Variants in NBEAL1 observed in about 807,000 individuals in gnomAD.
The protein encoded by NBEAL1 is neurobeachin like 1.
NBEAL1 carries 273 observed loss-of-function variants against 351.3 expected under a neutral mutation model. That is an observed-to-expected ratio of 0.78 (90% CI 0.70 to 0.86). The LOEUF (loss-of-function observed/expected upper bound fraction) is 0.86. Among genes scored for constraint, NBEAL1 ranks in the 40% least tolerant of loss-of-function variants. The probability of loss-of-function intolerance (pLI) is 0.00; values close to 1 mark genes in which losing one functional copy is unlikely to be tolerated. For missense variants in NBEAL1, 2,961 were observed against 3,201.3 expected (o/e 0.92, Z 1.81); for synonymous variants, 1,050 against 1,086.4 (o/e 0.97, Z 0.66).
rs191006638 is a variant in NBEAL1, at chr2:203,155,968, A to G, written c.5588-1731A>G. ...TTTCCCATCTGTATTTCTAGTTCCAACCTTCCTTTTGAACTCTAGAACAAT... is the reference window on the plus strand; with the variant it reads ...TTTCCCATCTGTATTTCTAGTTCCAGCCTTCCTTTTGAACTCTAGAACAAT... On this transcript the variant is annotated intron_variant, in intron 35 of 55. Transcript: ENST00000683969. Among the ~76,000 whole-genome samples the G allele has an allele frequency of 1.0e-3, 152 of 152,024 alleles. 1 individual carries two copies. The highest frequency in any genetic ancestry group is 3.5e-3 in the African/African-American group (145 of 41,448).
intron 3 of NBEAL1, 146 bp downstream of exon 3, chr2:203,042,002 T>C (rs2061150030): frequency 1.6e-6 from 1 of 638,980 alleles, no homozygotes. Context: ...ACATAGCTAA[T>C]TGATGACAAT....
chr2:203,052,719 GTTATTTAT>G (rs56277425), intron 4 of NBEAL1, among the ~76,000 whole-genome samples: 2,889 of 145,484 alleles, frequency 0.02, 79 homozygotes, highest in East Asian at 0.095. Context: ...ACCATGCCCA[GTTATTTAT>G]TTATTTATTT....
intron 54 of NBEAL1, 23 bp downstream of exon 54, chr2:203,211,129 G>C: frequency 1.3e-6 from 2 of 1,487,430 alleles, no homozygotes; most frequent in Non-Finnish European, 1.8e-6. Flanking sequence ...AACTAATGAA[G>C]TATCACTTAA....
chr2:203,190,183 CACACACACACACACACACA>C (rs2065028728), intron 45 of NBEAL1, 90 bp from the exon 46 acceptor site: 3 of 511,484 alleles, frequency 5.9e-6, no homozygotes, highest in Non-Finnish European at 1.1e-5. Flanking sequence ...CACACACACA[CACACACACACACACACACA>C]CACACACCAA....
Position 203,107,413 on chromosome 2 carries a change from C to T in NBEAL1, c.1270-7C>T. On this transcript the variant is annotated splice_polypyrimidine_tract_variant and splice_region_variant and intron_variant, in intron 12 of 55. Transcript: ENST00000683969. Reference sequence around the variant, plus strand: ...GTACTTTGATATATTGTCTTCCCATCCCCTAGGAAGTATTTAAAGAAAGAA... The same window carrying T: ...GTACTTTGATATATTGTCTTCCCATTCCCTAGGAAGTATTTAAAGAAAGAA... 1 of 1,442,644 alleles carries T rather than the reference C, an allele frequency of 6.9e-7. No homozygotes were observed. The highest frequency in any genetic ancestry group is 9.5e-7 in the Non-Finnish European group (1 of 1,053,884). 89.4% of individuals were successfully genotyped at this position (1,442,644 alleles called of 1,614,324 possible). A position where few individuals can be genotyped will look rare whatever the true frequency, so the allele number is the denominator to read the frequency against.
intron 41 of NBEAL1, among the ~76,000 whole-genome samples, chr2:203,174,012 T>G (rs1434766562): frequency 6.6e-6 from 1 of 151,992 alleles, no homozygotes; most frequent in Non-Finnish European, 1.5e-5. Flanking sequence ...TATGCATGTA[T>G]CAGTGATAGA....
At position 203,110,226 on chromosome 2, in the gene NBEAL1, A is replaced by C; in HGVS notation, c.2026A>C (p.Lys676Gln). 1 of 1,553,570 alleles carries C rather than the reference A, an allele frequency of 6.4e-7. No homozygotes were observed. Among genetic ancestry groups the C allele is most frequent in the Non-Finnish European group, 8.7e-7 (1 of 1,147,412 alleles). ...TATGTTGGTCGTGGCAGTGTGCACA[A>C]AAAGAGAATATGCAACGGTTATGCT... ...SGMLVVAVCT[K>Q]REYATVMLPD... Residue 676 changes from lysine (K) to glutamine (Q), a missense_variant, in exon 15 of 56, where the codon AAA (lysine) becomes CAA (glutamine). Physicochemically the swap from Lys to Gln is moderately conservative, Grantham distance 53. Transcript: ENST00000683969.
chr2:203,167,909 A>C (rs1404538105), intron 38 of NBEAL1, among the ~76,000 whole-genome samples: 1 of 152,154 alleles, frequency 6.6e-6, no homozygotes, highest in African/African-American at 2.4e-5. Flanking sequence ...CCCACCTTGC[A>C]TAGCTCTCCC....
chr2:203,162,690 A>G (rs2064004228), intron 36 of NBEAL1, among the ~76,000 whole-genome samples: 1 of 152,134 alleles, frequency 6.6e-6, no homozygotes, highest in South Asian at 2.1e-4. Flanking sequence ...GTTACAATGA[A>G]GCAAGATTGC....
At chr2:203,017,622 G>A (rs984309550) in intron 2 of NBEAL1, among the ~76,000 whole-genome samples, 11 of 151,984 alleles carry the variant, frequency 7.2e-5, no homozygotes, top group Non-Finnish European at 1.5e-5. Context: ...TGAATACCTA[G>A]TAGTTTGAAA....
intron 7 of NBEAL1, among the ~76,000 whole-genome samples, chr2:203,071,787 A>T (rs2061687474): frequency 6.6e-6 from 1 of 152,252 alleles, no homozygotes; most frequent in Non-Finnish European, 1.5e-5. Flanking sequence ...TAGGATACAC[A>T]TTCCCATTCC....
At position 203,126,683 on chromosome 2, in the gene NBEAL1, A is replaced by G; in HGVS notation, c.3112A>G (p.Ile1038Val). ...TCAATATTTACTCTTTGACTTTCGTATTTGGAACCGTGGAGATTTTCCCTT... is the reference window on the plus strand; with the variant it reads ...TCAATATTTACTCTTTGACTTTCGTGTTTGGAACCGTGGAGATTTTCCCTT... ...MYQYLLFDFRIWNRGDFPFRI... is the reference protein window; with the variant it reads ...MYQYLLFDFRVWNRGDFPFRI... The change falls in exon 22 of 56, where the codon ATT becomes GTT. Residue 1038 changes from isoleucine (I) to valine (V), a missense_variant. Ile to Val is a conservative substitution (Grantham distance 29). Coordinates refer to ENST00000683969, the MANE Select transcript of NBEAL1 (RefSeq NM_001378026.1). The G allele has an allele frequency of 2.6e-6, 4 of 1,517,578 alleles. No individual in the cohort carries two copies. Among genetic ancestry groups the G allele is most frequent in the Non-Finnish European group, 3.5e-6 (4 of 1,133,050 alleles). 94.0% of individuals were successfully genotyped at this position (1,517,578 alleles called of 1,614,324 possible). A position where few individuals can be genotyped will look rare whatever the true frequency, so the allele number is the denominator to read the frequency against.
At chr2:203,033,352 G>A (rs1482235920) in intron 2 of NBEAL1, among the ~76,000 whole-genome samples, 1 of 152,168 alleles carries the variant, frequency 6.6e-6, no homozygotes, top group Non-Finnish European at 1.5e-5. Context: ...TGTATTTTCA[G>A]TTGTTGTGGG....
chr2:203,184,896 TAA>T (rs79340619), intron 44 of NBEAL1, among the ~76,000 whole-genome samples: 24 of 140,254 alleles, frequency 1.7e-4, no homozygotes, highest in Non-Finnish European at 1.2e-4. Flanking sequence ...ACCCTGTATT[TAA>T]AAAAAAAAAA....
chr2:203,169,035 A>C (rs186334522), intron 38 of NBEAL1, among the ~76,000 whole-genome samples: 1 of 152,254 alleles, frequency 6.6e-6, no homozygotes, highest in African/African-American at 2.4e-5. Flanking sequence ...GTTTAATTTA[A>C]TTTATTTGCC....
In NBEAL1 at chr2:203,144,810, C is replaced by A. The variant is rs1197086168; in HGVS notation, c.5059C>A (p.Pro1687Thr). ...YELLFMNLHL[P>T]SLPFTNGSSS... ...GCTTCTCTTCATGAACTTGCACCTA[C>A]CTTCTTTACCTTTTACCAATGGTAG... The change falls in exon 32 of 56, where the codon CCT becomes ACT. Residue 1687 changes from proline to threonine, a missense_variant. By Grantham distance (38) the Pro-to-Thr change is conservative (BLOSUM62 -1). Coordinates refer to ENST00000683969, the MANE Select transcript of NBEAL1 (RefSeq NM_001378026.1). 4.3e-6 allele frequency: 7 copies of A among 1,613,958 alleles called. No individual in the cohort carries two copies. The highest frequency in any genetic ancestry group is 1.7e-4 in the Middle Eastern group (1 of 6,060).
At position 203,144,700 on chromosome 2, in the gene NBEAL1, T is replaced by C. The variant is rs751716136; in HGVS notation, c.4949T>C (p.Val1650Ala). The change falls in exon 32 of 56, where the codon GTT (valine) becomes GCT (alanine). Residue 1650 changes from valine (V) to alanine (A), a missense_variant. By Grantham distance (64) the Val-to-Ala change is moderately conservative. Transcript: ENST00000683969. Reference sequence around the variant, plus strand: ...TACATTTTAGGGAAGCTGGAACATGTTCTAAGTCAATCAATCAAGGAACAG... The same window carrying C: ...TACATTTTAGGGAAGCTGGAACATGCTCTAAGTCAATCAATCAAGGAACAG... ...ACYILGKLEHVLSQSIKEQTE... is the reference protein window; with the variant it reads ...ACYILGKLEHALSQSIKEQTE... 6.2e-7 allele frequency: 1 copy of C among 1,614,174 alleles called. No homozygotes were observed.
rs937416663 is a variant in NBEAL1, at chr2:203,169,784, A to C, written c.6035A>C (p.His2012Pro). ...NKIYSRLLSLHSPNSYYGSRS... is the reference protein window; with the variant it reads ...NKIYSRLLSLPSPNSYYGSRS... ...ATATATAGCCGACTGTTGTCACTTCATTCCCCAAATAGTTATTATGGAAGC... is the reference window on the plus strand; with the variant it reads ...ATATATAGCCGACTGTTGTCACTTCCTTCCCCAAATAGTTATTATGGAAGC... Residue 2012 changes from histidine (H) to proline (P), a missense_variant, in exon 39 of 56, where the codon CAT becomes CCT. Physicochemically the swap from His to Pro is moderately conservative, Grantham distance 77. Transcript: ENST00000683969. 6.2e-7 allele frequency: 1 copy of C among 1,610,780 alleles called. No homozygotes were observed. The highest frequency in any genetic ancestry group is 8.5e-7 in the Non-Finnish European group (1 of 1,178,356).
intron 47 of NBEAL1, 124 bp from the exon 48 acceptor site, chr2:203,197,178 A>C (rs900073202): frequency 3.7e-5 from 20 of 539,308 alleles, no homozygotes; most frequent in Non-Finnish European, 5.7e-5. Flanking sequence ...TTAATTGATT[A>C]GATGTTTCAA....
Sources: allele counts gnomAD v4.1 joint callset (sites outside exome capture counted in the v4.1 genomes callset), GRCh38; gene constraint gnomAD v4.1.1; transcripts MANE v1.5; gene names NCBI Gene and HGNC (gene_info 2026-07-23, HGNC 2026-07-21).